The following RFX3 variants were observed in gnomAD, a reference collection of about 807,000 sequenced individuals.
RFX3 encodes the protein transcription factor RFX3.
A neutral mutation model predicts 98.6 loss-of-function variants in RFX3; 14 were observed. That is an observed-to-expected ratio of 0.14 (90% CI 0.09 to 0.22). The LOEUF is 0.22. Among genes scored for constraint, RFX3 ranks in the 10% least tolerant of loss-of-function variants. RFX3 has a pLI of 1.00. For synonymous variants in RFX3, 383 were observed against 328.4 expected, an observed-to-expected ratio of 1.17 and a Z score of -1.80; for missense variants, 639 against 926.9, an observed-to-expected ratio of 0.69 and a Z score of 4.03.
chr9:3,356,052 T>C (rs1418041942), intron 2 of RFX3, among the ~76,000 whole-genome samples: 1 of 142,016 alleles, frequency 7.0e-6, no homozygotes, highest in East Asian at 2.1e-4. Context: ...AGAGGGAAAT[T>C]TATAACTTTA....
chr9:3,276,118 C>A (rs190267286), intron 8 of RFX3, among the ~76,000 whole-genome samples: 1 of 152,076 alleles, frequency 6.6e-6, no homozygotes, highest in South Asian at 2.1e-4. Context: ...ATGCTCTTGT[C>A]CTGTAACTAA....
chr9:3,246,222 T>A (rs1398544703), intron 15 of RFX3, among the ~76,000 whole-genome samples: 1 of 152,158 alleles, frequency 6.6e-6, no homozygotes. Flanking sequence ...TTTTTTAAAT[T>A]TAGATTTTAC....
chr9:3,293,838 C>T lies in RFX3; in HGVS notation c.550-580G>A, dbSNP rs369368973. ...AAAAGACAAAATTCAGTCGTTTCTT[C>T]CCCAAATGAAAATAAACTGACAAGA... is the stretch of plus-strand genomic sequence containing the variant. On this transcript the variant is annotated intron_variant, in intron 5 of 16. Transcript: ENST00000617270. Among the ~76,000 whole-genome samples, 21 of 152,196 alleles carry T rather than the reference C, an allele frequency of 1.4e-4. No individual in the cohort carries two copies. In the East Asian group the frequency reaches 2.5e-3, roughly 18 times the overall value.
At chr9:3,505,660 CAT>C (rs1817016559) in intron 1 of RFX3, among the ~76,000 whole-genome samples, 2 of 150,992 alleles carry the variant, frequency 1.3e-5, no homozygotes, top group Admixed American at 6.6e-5. Context: ...CATTTGAAGA[CAT>C]ATTCAAAACT....
intron 1 of RFX3, among the ~76,000 whole-genome samples, 183 bp downstream of exon 1, chr9:3,525,564 G>A (rs1161225114): frequency 6.6e-6 from 1 of 151,968 alleles, no homozygotes; most frequent in Non-Finnish European, 1.5e-5. Flanking sequence ...AGGGTCCATT[G>A]TAAACAAGCC....
intron 6 of RFX3, among the ~76,000 whole-genome samples, chr9:3,290,067 A>G (rs1236600965): frequency 6.6e-6 from 1 of 152,078 alleles, no homozygotes; most frequent in Non-Finnish European, 1.5e-5. Flanking sequence ...TCACTCCTAC[A>G]ATTGTCAGTT....
intron 1 of RFX3, among the ~76,000 whole-genome samples, chr9:3,517,881 A>G (rs754105539): frequency 1.2e-3 from 190 of 152,362 alleles, no homozygotes; most frequent in Non-Finnish European, 2.2e-3. Context: ...CCATACAGTC[A>G]CGCACCACAT....
intron 11 of RFX3, 55 bp downstream of exon 11, chr9:3,270,316 C>A: frequency 6.6e-7 from 1 of 1,525,798 alleles, no homozygotes; most frequent in East Asian, 2.3e-5. Context: ...CTCAAAACTT[C>A]CTGGGTGGAA....
At chr9:3,393,538 A>ACAATTGGTAC (rs1554691629) in intron 2 of RFX3, among the ~76,000 whole-genome samples, 1 of 151,880 alleles carries the variant, frequency 6.6e-6, no homozygotes, top group Admixed American at 6.6e-5. Flanking sequence ...TGCCTTTAAA[A>ACAATTGGTAC]AGATAACTGT....
chr9:3,440,746 T>C (rs77375619), intron 1 of RFX3, among the ~76,000 whole-genome samples: 14 of 152,118 alleles, frequency 9.2e-5, no homozygotes, highest in African/African-American at 3.4e-4. Flanking sequence ...CTAAAATTCA[T>C]ATGGAAATCC....
At chr9:3,505,265 T>C (rs1161325268) in intron 1 of RFX3, among the ~76,000 whole-genome samples, 1 of 74,864 alleles carries the variant, frequency 1.3e-5, no homozygotes, top group Non-Finnish European at 2.0e-5. Flanking sequence ...TATATATTTA[T>C]ATATATATGA....
At chr9:3,433,094 C>T (rs1844796647) in intron 1 of RFX3, among the ~76,000 whole-genome samples, 1 of 152,086 alleles carries the variant, frequency 6.6e-6, no homozygotes, top group African/African-American at 2.4e-5. Context: ...AAGGCGGCCC[C>T]ATACATGTGG....
chr9:3,460,384 A>C (rs1177932338), intron 1 of RFX3, among the ~76,000 whole-genome samples: 3 of 152,030 alleles, frequency 2.0e-5, no homozygotes, highest in African/African-American at 7.2e-5. Flanking sequence ...TGCATGGATG[A>C]AACTAAATAA....
intron 1 of RFX3, among the ~76,000 whole-genome samples, chr9:3,470,758 T>C: frequency 6.6e-6 from 1 of 152,230 alleles, no homozygotes; most frequent in South Asian, 2.1e-4. Flanking sequence ...ATGATGCTGG[T>C]GAGATGTTAT....
At chr9:3,274,173 G>A (rs1824900028) in intron 9 of RFX3, among the ~76,000 whole-genome samples, 1 of 152,274 alleles carries the variant, frequency 6.6e-6, no homozygotes, top group Non-Finnish European at 1.5e-5. Context: ...GAGAGAACCT[G>A]CCCTTGGTGG....
intron 1 of RFX3, among the ~76,000 whole-genome samples, chr9:3,446,382 T>C (rs1846050552): frequency 6.6e-6 from 1 of 152,086 alleles, no homozygotes; most frequent in South Asian, 2.1e-4. Flanking sequence ...TAATCAAAAG[T>C]AAAGGTAATA....
chr9:3,485,323 CAG>C (rs986093720), intron 1 of RFX3, among the ~76,000 whole-genome samples: 6 of 152,212 alleles, frequency 3.9e-5, no homozygotes, highest in African/African-American at 1.4e-4. Context: ...TATTCTGTGC[CAG>C]GCACTGGATT....
chr9:3,344,596 AT>A, intron 3 of RFX3: 1 of 508,624 alleles, frequency 2.0e-6, no homozygotes, highest in Non-Finnish European at 3.5e-6. Context: ...CTCAATACCC[AT>A]TTCAACTGCC....
chr9:3,225,006 G>T lies in RFX3; in HGVS notation c.*36C>A. On this transcript the variant is annotated 3_prime_UTR_variant, in exon 17 of 17. Coordinates refer to ENST00000617270, the MANE Select transcript of RFX3 (RefSeq NM_001282116.2). ...TCAACTTAAGCCCAATATCAACAGGGTTAATGTAAGCTGGAAAAATACGCT... is the reference window on the plus strand; with the variant it reads ...TCAACTTAAGCCCAATATCAACAGGTTTAATGTAAGCTGGAAAAATACGCT... 1 of 1,595,656 alleles carries T rather than the reference G, an allele frequency of 6.3e-7. No homozygotes were observed. Among genetic ancestry groups the T allele is most frequent in the Non-Finnish European group, 8.6e-7 (1 of 1,164,716 alleles).
Sources: gnomAD v4.1 joint callset for allele counts (sites outside exome capture counted in the v4.1 genomes callset) on GRCh38, gnomAD v4.1.1 for gene constraint, MANE v1.5 for transcripts, NCBI Gene and HGNC (gene_info 2026-07-23, HGNC 2026-07-21) for gene names.